FBXL4: variants seen among roughly 807,000 people sequenced by gnomAD.
The protein encoded by FBXL4 is F-box and leucine rich repeat protein 4.
FBXL4 carries 40 observed loss-of-function variants against 58.9 expected under a neutral mutation model. The ratio of observed to expected loss-of-function variants is 0.68; its 90% CI spans 0.53 to 0.88. FBXL4 has a LOEUF of 0.88. FBXL4 is among the 40% of genes least tolerant of loss of function. The probability of loss-of-function intolerance (pLI) is 0.00; values close to 1 mark genes in which losing one functional copy is unlikely to be tolerated. For synonymous variants in FBXL4, 263 were observed against 265.5 expected (o/e 0.99, Z 0.09); for missense variants, 676 against 734.4 (o/e 0.92, Z 0.92).
At chr6:98,905,722 C>A in intron 5 of FBXL4, 52 bp from the exon 6 acceptor site, 1 of 1,566,144 alleles carries the variant, frequency 6.4e-7, no homozygotes. Flanking sequence ...CAGTATCATT[C>A]TATGAAACAT....
At position 98,869,090 on chromosome 6, in the gene FBXL4, C is replaced by A. The variant is rs1770426905; in HGVS notation, c.*5188G>T. 1 of 152,058 alleles carries A rather than the reference C, an allele frequency of 6.6e-6. No homozygotes were observed. Among genetic ancestry groups the A allele is most frequent in the Non-Finnish European group, 1.5e-5 (1 of 68,020 alleles). 9.4% of individuals were successfully genotyped at this position (152,058 alleles called of 1,614,324 possible). A position where few individuals can be genotyped will look rare whatever the true frequency, so the allele number is the denominator to read the frequency against. ...ACAGTTATGGTTTTACACTCACAGC[C>A]TAGGTTTCTAGTAGTATGTTGTCAA... is the stretch of plus-strand genomic sequence containing the variant. On this transcript the variant is annotated 3_prime_UTR_variant, in exon 10 of 10. Transcript: ENST00000369244.
chr6:98,875,132 T>C (rs1324145445), intron 9 of FBXL4: 7 of 383,460 alleles, frequency 1.8e-5, no homozygotes, highest in African/African-American at 4.2e-5. Context: ...GCGCAGCTCA[T>C]GTAAATTCTC....
intron 4 of FBXL4, 27 bp downstream of exon 4, chr6:98,926,450 C>A (rs767969156): frequency 6.4e-7 from 1 of 1,568,448 alleles, no homozygotes; most frequent in Non-Finnish European, 8.6e-7. Flanking sequence ...TACCATATAA[C>A]TTAGGTCATT....
In FBXL4 at chr6:98,871,675, T is replaced by A. The variant is rs992261462; in HGVS notation, c.*2603A>T. On this transcript the variant is annotated 3_prime_UTR_variant, in exon 10 of 10. Coordinates refer to ENST00000369244, the MANE Select transcript of FBXL4 (RefSeq NM_001278716.2). ...TCAGCAGGTACTTTGTGGGATATAT[T>A]TGATTCAATTTTGTATTACTGAACT... The A allele has an allele frequency of 1.1e-4, 16 of 152,226 alleles. No individual in the cohort carries two copies. Among genetic ancestry groups the A allele is most frequent in the Admixed American group, 1.0e-3 (16 of 15,276 alleles). 9.4% of individuals were successfully genotyped at this position (152,226 alleles called of 1,614,324 possible).
Position 98,928,874 on chromosome 6 carries a change from G to A in FBXL4, c.-190-1052C>T, listed in dbSNP as rs538417833. On this transcript the variant is annotated intron_variant, in intron 2 of 9. Transcript: ENST00000369244. ...AACCACTCTTCGTATTTTACGTTAA[G>A]TCTCGCTTCCTCTATCATTTCTTTT... Among the ~76,000 whole-genome samples the A allele has an allele frequency of 5.9e-5, 9 of 152,280 alleles. No homozygotes were observed. The South Asian group carries it at 1.0e-3, about 18-fold the overall frequency.
intron 5 of FBXL4, among the ~76,000 whole-genome samples, chr6:98,907,103 C>G (rs1771843801): frequency 6.6e-6 from 1 of 152,140 alleles, no homozygotes; most frequent in South Asian, 2.1e-4. Context: ...AAAATTTTCT[C>G]CCATTCTGTA....
intron 2 of FBXL4, among the ~76,000 whole-genome samples, chr6:98,929,584 A>AAAAAG (rs1025065222): frequency 1.3e-5 from 2 of 151,688 alleles, no homozygotes; most frequent in African/African-American, 4.8e-5. Context: ...AAAAAAAAAA[A>AAAAAG]AAAGAAAGAA....
intron 2 of FBXL4, among the ~76,000 whole-genome samples, chr6:98,929,814 A>G (rs558594304): frequency 6.6e-6 from 1 of 152,134 alleles, no homozygotes; most frequent in Non-Finnish European, 1.5e-5. Context: ...GACTATAAAA[A>G]CTTAGCTTAC....
intron 7 of FBXL4, among the ~76,000 whole-genome samples, chr6:98,897,644 A>T (rs1771454057): frequency 6.6e-6 from 1 of 152,120 alleles, no homozygotes. Flanking sequence ...ACAGGTATGG[A>T]GGCTGGGAAT....
At chr6:98,927,429 C>T (rs1772833956) in intron 3 of FBXL4, among the ~76,000 whole-genome samples, 1 of 152,102 alleles carries the variant, frequency 6.6e-6, no homozygotes, top group African/African-American at 2.4e-5. Context: ...GCTGTAAATT[C>T]AAAATAATCT....
intron 5 of FBXL4, among the ~76,000 whole-genome samples, chr6:98,909,930 C>G (rs1222296226): frequency 6.6e-6 from 1 of 152,192 alleles, no homozygotes; most frequent in Non-Finnish European, 1.5e-5. Context: ...CAGGATGTGC[C>G]ATGGCATTTT....
chr6:98,921,728 A>G (rs1257308380), intron 4 of FBXL4, among the ~76,000 whole-genome samples: 3 of 152,156 alleles, frequency 2.0e-5, no homozygotes, highest in Non-Finnish European at 2.9e-5. Context: ...AGCAAATTCT[A>G]TGAAAGCCTC....
intron 6 of FBXL4, among the ~76,000 whole-genome samples, 182 bp downstream of exon 6, chr6:98,905,244 T>C (rs1019681477): frequency 6.6e-6 from 1 of 152,226 alleles, no homozygotes; most frequent in Non-Finnish European, 1.5e-5. Context: ...CTGAAGAGGA[T>C]AGTAAAACAC....
intron 7 of FBXL4, chr6:98,898,239 C>T: frequency 1.0e-6 from 1 of 961,224 alleles, no homozygotes; most frequent in Non-Finnish European, 1.2e-6. Flanking sequence ...GAGCTGGGAC[C>T]AGGTCAGAAC....
chr6:98,870,592 CAT>C lies in FBXL4; in HGVS notation c.*3684_*3685del, dbSNP rs1256958182. The stretch of plus-strand genomic sequence containing the variant: ...GCAGTTACCAGCATTTTGAGTGCCA[CAT>C]ATGTTGTCATACCACAATATTTTTA... On this transcript the variant is annotated 3_prime_UTR_variant, in exon 10 of 10. Coordinates refer to ENST00000369244, the MANE Select transcript of FBXL4 (RefSeq NM_001278716.2). The C allele has an allele frequency of 2.0e-5, 3 of 152,194 alleles. No homozygotes were observed. Among genetic ancestry groups the C allele is most frequent in the Admixed American group, 6.5e-5 (1 of 15,274 alleles). The allele number at this position is 152,194 out of a possible 1,614,324, so 9.4% of individuals were successfully genotyped here.
intron 7 of FBXL4, 45 bp from the exon 8 acceptor site, chr6:98,880,669 A>G (rs1226895407): frequency 6.7e-7 from 1 of 1,498,770 alleles, no homozygotes; most frequent in Non-Finnish European, 9.3e-7. Context: ...AAAGTGAATG[A>G]AAGTGAAACA....
At chr6:98,875,389 A>G (rs760994581) in intron 9 of FBXL4, 26 bp downstream of exon 9, 1 of 1,609,096 alleles carries the variant, frequency 6.2e-7, no homozygotes, top group Admixed American at 1.7e-5. Context: ...AGACATTTAA[A>G]ACAAATTTAT....
chr6:98,874,124 T>C lies in FBXL4; in HGVS notation c.*154A>G, dbSNP rs1368981088. 1 of 540,680 alleles carries C rather than the reference T, an allele frequency of 1.8e-6. No homozygotes were observed. The highest frequency in any genetic ancestry group is 2.0e-5 in the African/African-American group (1 of 50,760). The allele number at this position is 540,680 out of a possible 1,614,324, so 33.5% of individuals were successfully genotyped here. ...TTTTATGAAAACATTTGTGCACATT[T>C]TTACTTGATTTAATGGACAATTTCA... On this transcript the variant is annotated 3_prime_UTR_variant, in exon 10 of 10. Transcript: ENST00000369244.
At chr6:98,947,133 AAT>A (rs1773650676) in intron 1 of FBXL4, among the ~76,000 whole-genome samples, 1 of 152,200 alleles carries the variant, frequency 6.6e-6, no homozygotes, top group South Asian at 2.1e-4. Flanking sequence ...CACCTTCTAT[AAT>A]AGTTATTTGT....
Sources: gnomAD v4.1 joint callset for allele counts (sites outside exome capture counted in the v4.1 genomes callset) on GRCh38, gnomAD v4.1.1 for gene constraint, MANE v1.5 for transcripts, NCBI Gene and HGNC (gene_info 2026-07-23, HGNC 2026-07-21) for gene names.